CDKAL1: variants seen among roughly 807,000 people sequenced by gnomAD.
CDKAL1 encodes the protein threonylcarbamoyladenosine tRNA methylthiotransferase.
CDKAL1 carries 32 observed loss-of-function variants against 68.2 expected under a neutral mutation model. The observed-to-expected ratio is 0.47, with a 90% CI of 0.35 to 0.63. The LOEUF (loss-of-function observed/expected upper bound fraction) is 0.63, where lower values mean the gene tolerates loss of function less well. Ranked by LOEUF, CDKAL1 falls within the 30% of genes least tolerant of loss-of-function variation. CDKAL1 has a pLI of 0.00. For synonymous variants in CDKAL1, 234 were observed against 244.3 expected (o/e 0.96, Z 0.39); for missense variants, 606 against 696.7 (o/e 0.87, Z 1.47).
intron 12 of CDKAL1, among the ~76,000 whole-genome samples, chr6:21,070,876 G>C (rs1771735684): frequency 6.6e-6 from 1 of 152,148 alleles, no homozygotes; most frequent in Non-Finnish European, 1.5e-5. Flanking sequence ...GGCAGCAGCT[G>C]TGAGGCTGCT....
At chr6:20,773,608 C>A (rs897208979) in intron 7 of CDKAL1, among the ~76,000 whole-genome samples, 1 of 151,832 alleles carries the variant, frequency 6.6e-6, no homozygotes, top group Non-Finnish European at 1.5e-5. Context: ...AGTGCAGTGG[C>A]GCGATCTCGG....
At chr6:20,783,572 C>A (rs1004961583) in intron 8 of CDKAL1, among the ~76,000 whole-genome samples, 1 of 152,104 alleles carries the variant, frequency 6.6e-6, no homozygotes, top group Non-Finnish European at 1.5e-5. Flanking sequence ...TGTCCTTCCC[C>A]GTTCACCTCA....
chr6:21,161,359 A>G (rs1284454195), intron 13 of CDKAL1, among the ~76,000 whole-genome samples: 1 of 152,188 alleles, frequency 6.6e-6, no homozygotes, highest in Non-Finnish European at 1.5e-5. Flanking sequence ...TTTCTGCTTC[A>G]TTAAAAAATT....
intron 9 of CDKAL1, among the ~76,000 whole-genome samples, chr6:20,933,302 G>T (rs1405462069): frequency 6.6e-6 from 1 of 152,164 alleles, no homozygotes; most frequent in Non-Finnish European, 1.5e-5. Flanking sequence ...TTTCCTTCTG[G>T]CTCCTACTGG....
At chr6:20,916,902 G>A (rs535262365) in intron 9 of CDKAL1, among the ~76,000 whole-genome samples, 6 of 144,294 alleles carry the variant, frequency 4.2e-5, no homozygotes, top group Admixed American at 6.7e-5. Context: ...AAGATCGGGC[G>A]CAGTGGCTTG....
intron 9 of CDKAL1, among the ~76,000 whole-genome samples, chr6:20,866,702 A>G (rs958605647): frequency 1.3e-5 from 2 of 152,224 alleles, no homozygotes; most frequent in African/African-American, 4.8e-5. Flanking sequence ...ATGAAGATAC[A>G]CCATAACTTG....
chr6:20,759,507 A>G (rs1406016118), intron 7 of CDKAL1, among the ~76,000 whole-genome samples: 2 of 152,188 alleles, frequency 1.3e-5, no homozygotes, highest in African/African-American at 4.8e-5. Flanking sequence ...GCACCATTGC[A>G]CTCCAGCCCA....
chr6:20,965,483 GTCTC>G (rs1288047101), intron 10 of CDKAL1, among the ~76,000 whole-genome samples: 9 of 152,200 alleles, frequency 5.9e-5, no homozygotes, highest in African/African-American at 2.2e-4. Flanking sequence ...CCTGGGTCAT[GTCTC>G]TCTCTATGTA....
At chr6:21,093,376 CA>C (rs1169193384) in intron 12 of CDKAL1, among the ~76,000 whole-genome samples, 1 of 152,118 alleles carries the variant, frequency 6.6e-6, no homozygotes, top group Non-Finnish European at 1.5e-5. Flanking sequence ...GAATTTTGGG[CA>C]TCATGAAAAC....
intron 2 of CDKAL1, among the ~76,000 whole-genome samples, chr6:20,543,578 A>G (rs1357127868): frequency 6.6e-6 from 1 of 152,190 alleles, no homozygotes; most frequent in Non-Finnish European, 1.5e-5. Context: ...TCTTAAAGCA[A>G]AAGTTTTAAA....
chr6:20,883,804 T>C lies in CDKAL1; in HGVS notation c.742+37626T>C, dbSNP rs1242054415. 2.0e-5 allele frequency among the ~76,000 whole-genome samples: 3 copies of C among 152,316 alleles called. No homozygotes were observed. The East Asian group carries it at 5.8e-4, about 29-fold the overall frequency. Reference sequence around the variant, plus strand: ...ATATTTAAAATGTTTTACAATAACATGACAGGAGGAAACCTTTTGATGGAC... The same window carrying C: ...ATATTTAAAATGTTTTACAATAACACGACAGGAGGAAACCTTTTGATGGAC... On this transcript the variant is annotated intron_variant, in intron 9 of 15. Transcript: ENST00000274695.
chr6:20,808,389 G>T (rs1359269216), intron 8 of CDKAL1, among the ~76,000 whole-genome samples: 1 of 152,004 alleles, frequency 6.6e-6, no homozygotes, highest in Non-Finnish European at 1.5e-5. Context: ...TTTGGCCTAG[G>T]AAGTCTGGTG....
intron 13 of CDKAL1, among the ~76,000 whole-genome samples, chr6:21,130,371 C>T (rs903975399): frequency 1.3e-4 from 20 of 151,908 alleles, no homozygotes; most frequent in Admixed American, 1.2e-3. Flanking sequence ...ATTATAGGCA[C>T]CCGCCACCAC....
intron 9 of CDKAL1, among the ~76,000 whole-genome samples, chr6:20,855,650 G>A (rs1475323450): frequency 6.6e-6 from 1 of 151,948 alleles, no homozygotes; most frequent in African/African-American, 2.4e-5. Context: ...TACACCATAG[G>A]TCATTTTGTG....
intron 13 of CDKAL1, among the ~76,000 whole-genome samples, chr6:21,134,628 G>C (rs1239117213): frequency 6.6e-6 from 1 of 151,932 alleles, no homozygotes; most frequent in African/African-American, 2.4e-5. Flanking sequence ...ATAATGCATG[G>C]GAAACAAGGC....
chr6:21,055,502 T>C (rs1409759778), intron 11 of CDKAL1, among the ~76,000 whole-genome samples: 3 of 152,154 alleles, frequency 2.0e-5, no homozygotes, highest in Non-Finnish European at 4.4e-5. Context: ...AAGCTCAGCA[T>C]GCATTAGCTA....
chr6:21,137,763 A>T (rs183548468), intron 13 of CDKAL1, among the ~76,000 whole-genome samples: 12 of 152,254 alleles, frequency 7.9e-5, no homozygotes, highest in African/African-American at 2.7e-4. Context: ...TAATATAACC[A>T]AATGTTAGAG....
At position 20,539,909 on chromosome 6, in the gene CDKAL1, G is replaced by A. The variant is rs1763321333; in HGVS notation, c.-6+4515G>A. Among the ~76,000 whole-genome samples, 1 of 152,100 alleles carries A rather than the reference G, an allele frequency of 6.6e-6. No homozygotes were observed. The highest frequency in any genetic ancestry group is 2.4e-5 in the African/African-American group (1 of 41,416). The stretch of plus-strand genomic sequence containing the variant: ...AGGGATTGCAATAATCCAGACAAGA[G>A]GTGATGTTGGTTTGGACCAAGAGTG... On this transcript the variant is annotated intron_variant, in intron 2 of 15. Coordinates refer to ENST00000274695, the MANE Select transcript of CDKAL1 (RefSeq NM_017774.3). The surrounding 1 kb of genome is among the most constrained non-coding windows in gnomAD (Gnocchi z 4.3).
At chr6:20,680,234 T>C (rs1770314570) in intron 5 of CDKAL1, among the ~76,000 whole-genome samples, 1 of 152,084 alleles carries the variant, frequency 6.6e-6, no homozygotes, top group Non-Finnish European at 1.5e-5. Flanking sequence ...GCCTGGCTAA[T>C]TTTTGTGTTT....
Sources: allele counts gnomAD v4.1 joint callset (sites outside exome capture counted in the v4.1 genomes callset), GRCh38; gene constraint gnomAD v4.1.1; non-coding constraint Gnocchi (gnomAD v3.1); transcripts MANE v1.5; gene names NCBI Gene and HGNC (gene_info 2026-07-23, HGNC 2026-07-21).